ZRANB1: variants seen among roughly 807,000 people sequenced by gnomAD.
ZRANB1 encodes ubiquitin thioesterase ZRANB1.
Under a neutral mutation model 80.5 loss-of-function variants are expected in ZRANB1, and 16 were observed. The observed-to-expected ratio is 0.20, with a 90% CI of 0.13 to 0.30. The LOEUF is 0.30. ZRANB1 is among the 10% of genes least tolerant of loss of function. The pLI, the probability that ZRANB1 is intolerant of heterozygous loss-of-function variation, is 1.00. For synonymous variants in ZRANB1, 291 were observed against 293.1 expected, an observed-to-expected ratio of 0.99 and a Z score of 0.07; for missense variants, 576 against 862.6, an observed-to-expected ratio of 0.67 and a Z score of 4.16.
chr10:124,927,156 C>T, the ZRANB1 span, among the ~76,000 whole-genome samples: 5 of 152,062 alleles, frequency 3.3e-5, no homozygotes, highest in South Asian at 6.2e-4. Flanking sequence ...GGGGTTTCAC[C>T]GTGTTAGCCA....
intron 1 of ZRANB1, among the ~76,000 whole-genome samples, chr10:124,958,734 A>T (rs1458097435): frequency 6.6e-6 from 1 of 152,142 alleles, no homozygotes; most frequent in East Asian, 1.9e-4. Context: ...GTCTTTGCTG[A>T]TGTTTGTTGT....
intron 1 of ZRANB1, among the ~76,000 whole-genome samples, 185 bp downstream of exon 1, chr10:124,943,492 A>G (rs1003996001): frequency 6.6e-6 from 1 of 151,414 alleles, no homozygotes; most frequent in Non-Finnish European, 1.5e-5. Flanking sequence ...TGGGTAACAT[A>G]GTGAGACTGT....
chr10:124,938,177 T>C (rs540273230), upstream of ZRANB1, among the ~76,000 whole-genome samples: 1 of 152,320 alleles, frequency 6.6e-6, no homozygotes, highest in East Asian at 1.9e-4. Context: ...TTATGTACTT[T>C]TTGGAATGTT....
chr10:124,952,985 C>T (rs1370478406), intron 1 of ZRANB1, among the ~76,000 whole-genome samples: 3 of 152,020 alleles, frequency 2.0e-5, no homozygotes, highest in African/African-American at 7.2e-5. Flanking sequence ...AGTGCAGTGG[C>T]GTGATCTCGG....
the ZRANB1 span, among the ~76,000 whole-genome samples, chr10:124,919,956 G>A: frequency 8.8e-6 from 1 of 113,122 alleles, no homozygotes; most frequent in Non-Finnish European, 1.7e-5. Flanking sequence ...TCATCACTGT[G>A]TTGCCCAGGC....
the ZRANB1 span, among the ~76,000 whole-genome samples, chr10:124,926,049 G>T: frequency 6.6e-6 from 1 of 152,030 alleles, no homozygotes; most frequent in Admixed American, 6.5e-5. Flanking sequence ...GTATTCATGA[G>T]TGTAAACATA....
intron 3 of ZRANB1, 107 bp downstream of exon 3, chr10:124,972,225 T>C: frequency 1.0e-6 from 1 of 997,752 alleles, no homozygotes; most frequent in South Asian, 1.7e-5. Context: ...ATAGCTACTG[T>C]ATGTGCATCT....
chr10:124,931,443 TC>T, the ZRANB1 span, among the ~76,000 whole-genome samples: 1 of 152,146 alleles, frequency 6.6e-6, no homozygotes, highest in Non-Finnish European at 1.5e-5. Context: ...TGGTCTCGGC[TC>T]ACTGCAGCCT....
chr10:124,975,532 G>A (rs935065900), intron 5 of ZRANB1, among the ~76,000 whole-genome samples: 2 of 152,140 alleles, frequency 1.3e-5, no homozygotes, highest in African/African-American at 2.4e-5. Context: ...TTAACAGCAT[G>A]CAATCACTGG....
At chr10:124,923,382 A>G in the ZRANB1 span, among the ~76,000 whole-genome samples, 1 of 151,818 alleles carries the variant, frequency 6.6e-6, no homozygotes, top group African/African-American at 2.4e-5. Context: ...TCACGAGATC[A>G]GGAGTTCGAG....
chr10:124,971,839 G>C (rs1453400737), intron 2 of ZRANB1, 126 bp from the exon 3 acceptor site: 3 of 809,536 alleles, frequency 3.7e-6, no homozygotes, highest in Non-Finnish European at 1.8e-6. Context: ...AATAATACCA[G>C]TGTATTTTAA....
the ZRANB1 span, among the ~76,000 whole-genome samples, chr10:124,929,674 G>T: frequency 6.6e-6 from 1 of 151,442 alleles, no homozygotes; most frequent in South Asian, 2.1e-4. Flanking sequence ...GAGGCTGGGC[G>T]CCGTGGCTCA....
chr10:124,929,806 T>C, the ZRANB1 span, among the ~76,000 whole-genome samples: 2 of 151,146 alleles, frequency 1.3e-5, no homozygotes, highest in South Asian at 4.2e-4. Flanking sequence ...AGTAGCTGGG[T>C]TTGGTGGCAC....
At chr10:124,929,432 T>G in the ZRANB1 span, among the ~76,000 whole-genome samples, 1 of 151,692 alleles carries the variant, frequency 6.6e-6, no homozygotes, top group Admixed American at 6.6e-5. Flanking sequence ...GTCTACAGTA[T>G]TCAAGCAATT....
rs771782509 is a variant in ZRANB1, at chr10:124,973,629, T to C, written c.1157-16T>C. On this transcript the variant is annotated splice_polypyrimidine_tract_variant and intron_variant, in intron 3 of 8. Coordinates refer to ENST00000359653, the MANE Select transcript of ZRANB1 (RefSeq NM_017580.3). ...TATGAAACAAAAGATCTTTTAAGTTTGCATTTTCTTTGTAGATATTGAAGA... is the reference window on the plus strand; with the variant it reads ...TATGAAACAAAAGATCTTTTAAGTTCGCATTTTCTTTGTAGATATTGAAGA... The C allele has an allele frequency of 5.0e-6, 8 of 1,604,712 alleles. No individual in the cohort carries two copies. The East Asian group carries it at 1.8e-4, about 36-fold the overall frequency.
chr10:124,929,875 G>A, the ZRANB1 span, among the ~76,000 whole-genome samples: 4 of 151,184 alleles, frequency 2.6e-5, no homozygotes. Flanking sequence ...GAACCTGGGA[G>A]GCAGAGGTTG....
In ZRANB1 at chr10:124,986,201, A is replaced by C. The variant is rs1359138212; in HGVS notation, c.*1209A>C. The C allele has an allele frequency of 6.6e-6, 1 of 152,342 alleles. No individual in the cohort carries two copies. Among genetic ancestry groups the C allele is most frequent in the Non-Finnish European group, 1.5e-5 (1 of 67,932 alleles). The allele number at this position is 152,342 out of a possible 1,614,324, so 9.4% of individuals were successfully genotyped here. A position where few individuals can be genotyped will look rare whatever the true frequency, so the allele number is the denominator to read the frequency against. On this transcript the variant is annotated 3_prime_UTR_variant, in exon 9 of 9. Coordinates refer to ENST00000359653, the MANE Select transcript of ZRANB1 (RefSeq NM_017580.3). ...TAAAAATTTCAGACCTATCTCAGGA[A>C]CACAGAAATATTTGGTGTCCTGATA...
chr10:124,967,890 G>GT (rs147173797), intron 2 of ZRANB1, among the ~76,000 whole-genome samples: 17,385 of 149,196 alleles, frequency 0.12, 1,075 homozygotes, highest in Admixed American at 0.18. Context: ...CATTATCCAG[G>GT]TTTTTTTTTT....
At chr10:124,930,019 C>T in the ZRANB1 span, among the ~76,000 whole-genome samples, 1 of 150,224 alleles carries the variant, frequency 6.7e-6, no homozygotes, top group Non-Finnish European at 1.5e-5. Context: ...AGTTACTGTT[C>T]TTTACCTAAA....
Sources: gnomAD v4.1 joint callset for allele counts (sites outside exome capture counted in the v4.1 genomes callset) on GRCh38, gnomAD v4.1.1 for gene constraint, MANE v1.5 for transcripts, NCBI Gene and HGNC (gene_info 2026-07-23, HGNC 2026-07-21) for gene names.